Variants in KCNA4 observed in about 807,000 individuals in gnomAD.
KCNA4 encodes potassium voltage-gated channel subfamily A member 4, also known as cardiac potassium channel.
Under a neutral mutation model 37.2 loss-of-function variants are expected in KCNA4, and 5 were observed. The ratio of observed to expected loss-of-function variants is 0.13; its 90% confidence interval spans 0.07 to 0.28. The LOEUF is 0.28. KCNA4 is among the 10% of genes least tolerant of loss of function. The pLI is 1.00. For missense variants in KCNA4, 634 were observed against 817.4 expected (o/e 0.78, Z 2.74); for synonymous variants, 350 against 311.8 (o/e 1.12, Z -1.29).
At position 30,010,777 on chromosome 11, in the gene KCNA4, A is replaced by G; in HGVS notation, c.1902T>C (p.Asp634=). Residue 634 remains aspartate, a synonymous_variant, in exon 2 of 2, where the codon GAT becomes GAC. Coordinates refer to ENST00000328224, the MANE Select transcript of KCNA4 (RefSeq NM_002233.4). ...AKEEKCQGKG[D]DSETDKNNCS... ...AGTTGTTTTTATCTGTCTCACTGTCATCCCCCTTTCCCTGACACTTCTCCT... is the reference window on the plus strand; with the variant it reads ...AGTTGTTTTTATCTGTCTCACTGTCGTCCCCCTTTCCCTGACACTTCTCCT... 6.2e-7 allele frequency: 1 copy of G among 1,614,128 alleles called. No individual in the cohort carries two copies. The highest frequency in any genetic ancestry group is 8.5e-7 in the Non-Finnish European group (1 of 1,180,000).
chr11:30,015,334 C>G (rs1486245762), intron 1 of KCNA4, among the ~76,000 whole-genome samples: 1 of 152,086 alleles, frequency 6.6e-6, no homozygotes, highest in Non-Finnish European at 1.5e-5. Flanking sequence ...CAGTTTCTTC[C>G]CCAACTCCCC....
At chr11:30,014,104 C>CCTAAT (rs1251540825) in intron 1 of KCNA4, among the ~76,000 whole-genome samples, 12 of 152,108 alleles carry the variant, frequency 7.9e-5, no homozygotes, top group African/African-American at 2.7e-4. Context: ...GTGCCTTTTA[C>CCTAAT]CTAATGAATG....
Position 30,012,273 on chromosome 11 carries a change from C to G in KCNA4, c.406G>C (p.Glu136Gln). The G allele has an allele frequency of 6.2e-7, 1 of 1,613,812 alleles. No individual in the cohort carries two copies. The highest frequency in any genetic ancestry group is 8.5e-7 in the Non-Finnish European group (1 of 1,179,976). The part of the protein sequence containing the change: ...EDEEEEEEEE[E>Q]EGRFYYSEDD... Reference sequence around the variant, plus strand: ...TCACTATAGTAAAACCTTCCCTCCTCTTCCTCCTCTTCCTCCTCCTCCTCA... The same window carrying G: ...TCACTATAGTAAAACCTTCCCTCCTGTTCCTCCTCTTCCTCCTCCTCCTCA... Residue 136 changes from glutamate to glutamine, a missense_variant, in exon 2 of 2, where the codon GAG (glutamate) becomes CAG (glutamine). By Grantham distance (29) the Glu-to-Gln change is conservative. This residue lies in a region of KCNA4 where 236 missense variants were observed against 229.5 expected (regional missense o/e 1.03). Coordinates refer to ENST00000328224, the MANE Select transcript of KCNA4 (RefSeq NM_002233.4).
chr11:30,012,494 T>C lies in KCNA4; in HGVS notation c.185A>G (p.His62Arg). Reference sequence around the variant, plus strand: ...GGCCCCGCGTGACTGGTGGTGGTGGTGGGAGCCCCCACCAGAACCCCCGCT... The same window carrying C: ...GGCCCCGCGTGACTGGTGGTGGTGGCGGGAGCCCCCACCAGAACCCCCGCT... ...EGSGGSGGGS[H>R]HHHQSRGACT... Residue 62 changes from histidine (H) to arginine (R), a missense_variant, in exon 2 of 2, where the codon CAC (histidine) becomes CGC (arginine). Transcript: ENST00000328224. 1 of 1,610,228 alleles carries C rather than the reference T, an allele frequency of 6.2e-7. No individual in the cohort carries two copies. Among genetic ancestry groups the C allele is most frequent in the Non-Finnish European group, 8.5e-7 (1 of 1,179,804 alleles).
chr11:30,014,532 C>T (rs1850334302), intron 1 of KCNA4, among the ~76,000 whole-genome samples: 1 of 151,802 alleles, frequency 6.6e-6, no homozygotes, highest in Non-Finnish European at 1.5e-5. Flanking sequence ...TACTTACCCC[C>T]ACTTCAATAA....
Position 30,010,684 on chromosome 11 carries a change from C to T in KCNA4, c.*33G>A, listed in dbSNP as rs367574272. On this transcript the variant is annotated 3_prime_UTR_variant, in exon 2 of 2. Coordinates refer to ENST00000328224, the MANE Select transcript of KCNA4 (RefSeq NM_002233.4). ...CTATGCATAAATATATTTGGAGATG[C>T]TGAGGGGGGAGCAGTGGCAGGTGGA... 99 of 1,560,376 alleles carry T rather than the reference C, an allele frequency of 6.3e-5. No individual in the cohort carries two copies. In the Middle Eastern group the frequency reaches 8.7e-4, roughly 14 times the overall value.
rs766733592 is a variant in KCNA4, at chr11:30,011,609, G to A, written c.1070C>T (p.Pro357Leu). 4 of 1,614,030 alleles carry A rather than the reference G, an allele frequency of 2.5e-6. No individual in the cohort carries two copies. The highest frequency in any genetic ancestry group is 1.6e-4 in the Middle Eastern group (1 of 6,062). Reference protein sequence around the residue: ...HGGLLNDTSAPHLENSGHTIF... With the variant: ...HGGLLNDTSALHLENSGHTIF... The stretch of plus-strand genomic sequence containing the variant: ...TGTGTGCCCTGAGTTCTCCAGATGG[G>A]GTGCTGAAGTATCATTCAACAACCC... The change falls in exon 2 of 2, where the codon CCC (proline) becomes CTC (leucine). Residue 357 changes from proline to leucine, a missense_variant. Coordinates refer to ENST00000328224, the MANE Select transcript of KCNA4 (RefSeq NM_002233.4). This position sits in a 1 kb window ranked among gnomAD's most constrained non-coding sequence, Gnocchi z 5.6.
Position 30,016,797 on chromosome 11 carries a change from G to A in KCNA4, c.-1008C>T, listed in dbSNP as rs939056623. ...CACAGAGTCCTCGCGGCTGGAGCCT[G>A]GGGGTGGGGGTTGGGGCTGCCCCAG... On this transcript the variant is annotated 5_prime_UTR_variant, in exon 1 of 2. Transcript: ENST00000328224. The A allele has an allele frequency of 1.2e-4, 47 of 388,474 alleles. No homozygotes were observed. The highest frequency in any genetic ancestry group is 9.5e-4 in the African/African-American group (46 of 48,282). The allele number at this position is 388,474 out of a possible 1,614,324, so 24.1% of individuals were successfully genotyped here.
In KCNA4 at chr11:30,011,076, C is replaced by T; in HGVS notation, c.1603G>A (p.Val535Ile). 1 of 1,614,170 alleles carries T rather than the reference C, an allele frequency of 6.2e-7. No individual in the cohort carries two copies. The change falls in exon 2 of 2, where the codon GTA becomes ATA. Residue 535 changes from valine to isoleucine, a missense_variant. Transcript: ENST00000328224. This position sits in a 1 kb window ranked among gnomAD's most constrained non-coding sequence, Gnocchi z 5.6. ...VGYGDMKPIT[V>I]GGKIVGSLCA... is the part of the protein sequence containing the mutation. ...AGGGACCCGACAATCTTGCCCCCTA[C>T]AGTGATGGGCTTCATGTCCCCATAG...
At chr11:30,014,333 G>C (rs1362303882) in intron 1 of KCNA4, among the ~76,000 whole-genome samples, 1 of 152,026 alleles carries the variant, frequency 6.6e-6, no homozygotes. Flanking sequence ...CTGTTCCCTT[G>C]AATCCTGAAC....
chr11:30,016,776 G>A lies in KCNA4; in HGVS notation c.-987C>T, dbSNP rs925082081. 7.8e-6 allele frequency: 3 copies of A among 384,736 alleles called. No homozygotes were observed. The highest frequency in any genetic ancestry group is 4.2e-5 in the African/African-American group (2 of 48,136). The allele number at this position is 384,736 out of a possible 1,614,324, so 23.8% of individuals were successfully genotyped here. A position where few individuals can be genotyped will look rare whatever the true frequency, so the allele number is the denominator to read the frequency against. On this transcript the variant is annotated 5_prime_UTR_variant, in exon 1 of 2. Transcript: ENST00000328224. ...TGTTGCCTGGCCCGAGGGGTGCACAGAGTCCTCGCGGCTGGAGCCTGGGGG... is the reference window on the plus strand; with the variant it reads ...TGTTGCCTGGCCCGAGGGGTGCACAAAGTCCTCGCGGCTGGAGCCTGGGGG...
chr11:30,011,392 A>AC lies in KCNA4; in HGVS notation c.1286dup (p.Gly430TrpfsTer65). 1 of 1,613,934 alleles carries AC rather than the reference A, an allele frequency of 6.2e-7. No individual in the cohort carries two copies. The highest frequency in any genetic ancestry group is 8.5e-7 in the Non-Finnish European group (1 of 1,179,990). The stretch of plus-strand genomic sequence containing the variant: ...TGGCCTGCTGCTGCTGACCATTGCC[A>AC]CCCCCCTGTTGCTGGGCCAGGTCAG... On this transcript the variant is annotated frameshift_variant, in exon 2 of 2. Coordinates refer to ENST00000328224, the MANE Select transcript of KCNA4 (RefSeq NM_002233.4). LOFTEE classifies it high-confidence loss of function. This position sits in a 1 kb window ranked among gnomAD's most constrained non-coding sequence, Gnocchi z 5.6.
intron 1 of KCNA4, chr11:30,016,289 C>G (rs80063973): frequency 6.6e-6 from 1 of 152,158 alleles, no homozygotes; most frequent in East Asian, 2.0e-4. Context: ...GCGCCCTCGC[C>G]TCCAGACCTC....
rs571145108 is a variant in KCNA4 at position 30,011,077 on chromosome 11, A to G, written c.1602T>C (p.Thr534=). 112 of 1,614,182 alleles carry G rather than the reference A, an allele frequency of 6.9e-5. No homozygotes were observed. The highest frequency in any genetic ancestry group is 6.3e-4 in the South Asian group (57 of 91,080). The part of the protein sequence containing the change: ...TVGYGDMKPI[T]VGGKIVGSLC... Reference sequence around the variant, plus strand: ...GGGACCCGACAATCTTGCCCCCTACAGTGATGGGCTTCATGTCCCCATAGC... The same window carrying G: ...GGGACCCGACAATCTTGCCCCCTACGGTGATGGGCTTCATGTCCCCATAGC... Residue 534 remains threonine, a synonymous_variant, in exon 2 of 2, where the codon ACT becomes ACC. Transcript: ENST00000328224. The surrounding 1 kb of genome is among the most constrained non-coding windows in gnomAD (Gnocchi z 5.6).
rs1344782488 is a variant in KCNA4, at chr11:30,012,085, T to G, written c.594A>C (p.Pro198=). 1 of 1,614,036 alleles carries G rather than the reference T, an allele frequency of 6.2e-7. No individual in the cohort carries two copies. Among genetic ancestry groups the G allele is most frequent in the Admixed American group, 1.7e-5 (1 of 60,002 alleles). The stretch of plus-strand genomic sequence containing the variant: ...TTTCAGGGTCTCCCAACAAAGTCTC[T>G]GGAAACTGGGCCAGAGTTTTCATTT... ...ETQMKTLAQF[P]ETLLGDPEKR... The change falls in exon 2 of 2, where the codon CCA becomes CCC. Residue 198 remains proline (P), a synonymous_variant. Transcript: ENST00000328224.
rs756781520 is a variant in KCNA4 at position 30,012,713 on chromosome 11, T to TAGA, written c.-38_-36dup. The TAGA allele has an allele frequency of 4.0e-6, 6 of 1,511,594 alleles. No homozygotes were observed. Among genetic ancestry groups the TAGA allele is most frequent in the Non-Finnish European group, 5.3e-6 (6 of 1,129,882 alleles). The allele number at this position is 1,511,594 out of a possible 1,614,324, so 93.6% of individuals were successfully genotyped here. A position where few individuals can be genotyped will look rare whatever the true frequency, so the allele number is the denominator to read the frequency against. ...TTTCGGAAATGGCTGGTTCCAGTTGTAGAAGAAGAAGAAAGAAAAATAGGG... is the reference window on the plus strand; with the variant it reads ...TTTCGGAAATGGCTGGTTCCAGTTGTAGAAGAAGAAGAAGAAAGAAAAATAGGG... On this transcript the variant is annotated 5_prime_UTR_variant, in exon 2 of 2. Coordinates refer to ENST00000328224, the MANE Select transcript of KCNA4 (RefSeq NM_002233.4).
intron 1 of KCNA4, among the ~76,000 whole-genome samples, chr11:30,013,807 T>A (rs1850328216): frequency 6.6e-6 from 1 of 152,202 alleles, no homozygotes; most frequent in Admixed American, 6.5e-5. Flanking sequence ...CAAAAAATAA[T>A]GCTGTGACTT....
chr11:30,016,945 C>A lies in KCNA4; in HGVS notation c.-1156G>T, dbSNP rs1260788516. On this transcript the variant is annotated 5_prime_UTR_variant, in exon 1 of 2. Transcript: ENST00000328224. The stretch of plus-strand genomic sequence containing the variant: ...GACAGCAGCGATCACTTGTTAAGCC[C>A]GAATTCCTCCTCCAACATCCATCCC... 2.5e-6 allele frequency: 1 copy of A among 398,834 alleles called. No homozygotes were observed. Among genetic ancestry groups the A allele is most frequent in the Non-Finnish European group, 4.4e-6 (1 of 226,244 alleles). The allele number at this position is 398,834 out of a possible 1,614,324, so 24.7% of individuals were successfully genotyped here.
chr11:30,011,358 C>A lies in KCNA4; in HGVS notation c.1321G>T (p.Ala441Ser), dbSNP rs770674586. 1.2e-6 allele frequency: 2 copies of A among 1,614,090 alleles called. No individual in the cohort carries two copies. ...NGQQQQAMSF[A>S]ILRIIRLVRV... is the part of the protein sequence containing the mutation. The stretch of plus-strand genomic sequence containing the variant: ...ACCAGACGAATGATTCTGAGGATGG[C>A]AAAGGACATGGCCTGCTGCTGCTGA... Residue 441 changes from alanine (A) to serine (S), a missense_variant, in exon 2 of 2, where the codon GCC (alanine) becomes TCC (serine). By Grantham distance (99) the Ala-to-Ser change is moderately conservative. Coordinates refer to ENST00000328224, the MANE Select transcript of KCNA4 (RefSeq NM_002233.4). The surrounding 1 kb of genome is among the most constrained non-coding windows in gnomAD (Gnocchi z 5.6).
Sources: gnomAD v4.1 joint callset for allele counts (sites outside exome capture counted in the v4.1 genomes callset) on GRCh38, gnomAD v4.1.1 for gene constraint, gnomAD v4.1.1 regional missense constraint, Gnocchi (gnomAD v3.1) non-coding constraint, MANE v1.5 for transcripts, NCBI Gene and HGNC (gene_info 2026-07-23, HGNC 2026-07-21) for gene names.